The following PAFAH1B1 variants were observed in gnomAD, a reference collection of about 807,000 sequenced individuals.
The protein encoded by PAFAH1B1 is platelet activating factor acetylhydrolase 1b regulatory subunit 1.
In PAFAH1B1, 2 loss-of-function variants were observed where a neutral mutation model predicts 57.5. The observed-to-expected ratio is 0.03, with a 90% CI of 0.01 to 0.11. The LOEUF (loss-of-function observed/expected upper bound fraction) is 0.11. Ranked by LOEUF, PAFAH1B1 falls within the 10% of genes least tolerant of loss-of-function variation. The pLI is 1.00. For synonymous variants in PAFAH1B1, 152 were observed against 169.6 expected, an observed-to-expected ratio of 0.90 and a Z score of 0.81; for missense variants, 257 against 512.0, an observed-to-expected ratio of 0.50 and a Z score of 4.81.
intron 1 of PAFAH1B1, among the ~76,000 whole-genome samples, chr17:2,595,362 C>T (rs940866906): frequency 6.7e-6 from 1 of 150,364 alleles, no homozygotes; most frequent in African/African-American, 2.4e-5. Context: ...GGAGACAGTG[C>T]TTGGGCCTTT....
At chr17:2,671,849 C>T (rs900093251) in intron 6 of PAFAH1B1, among the ~76,000 whole-genome samples, 3 of 151,488 alleles carry the variant, frequency 2.0e-5, no homozygotes, top group Non-Finnish European at 2.9e-5. Context: ...GTGATCCGCC[C>T]GCCTCGGCCT....
At chr17:2,594,485 G>A (rs1409363254) in intron 1 of PAFAH1B1, among the ~76,000 whole-genome samples, 1 of 152,168 alleles carries the variant, frequency 6.6e-6, no homozygotes, top group African/African-American at 2.4e-5. Context: ...CTCAGTTATC[G>A]GCTCGGGGAC....
chr17:2,634,148 T>A (rs1006019571), intron 1 of PAFAH1B1, among the ~76,000 whole-genome samples: 1 of 152,066 alleles, frequency 6.6e-6, no homozygotes, highest in Non-Finnish European at 1.5e-5. Flanking sequence ...TTTTGTTTGT[T>A]TTTTTGAGAC....
chr17:2,675,560 G>C (rs905872589), intron 8 of PAFAH1B1, among the ~76,000 whole-genome samples: 12 of 152,016 alleles, frequency 7.9e-5, no homozygotes, highest in Admixed American at 3.9e-4. Context: ...CCAGCACTTT[G>C]GGAAGTCAAG....
intron 1 of PAFAH1B1, among the ~76,000 whole-genome samples, chr17:2,600,016 A>G (rs1288572732): frequency 8.4e-6 from 1 of 119,574 alleles, no homozygotes; most frequent in Non-Finnish European, 1.6e-5. Context: ...GTCTCACTCC[A>G]TCACCCAGGC....
chr17:2,671,370 G>T (rs1321779080), intron 6 of PAFAH1B1, among the ~76,000 whole-genome samples: 1 of 151,716 alleles, frequency 6.6e-6, no homozygotes, highest in African/African-American at 2.4e-5. Context: ...CACCACGCCC[G>T]TCTAATTTTT....
At chr17:2,611,723 T>C (rs1408503339) in intron 1 of PAFAH1B1, among the ~76,000 whole-genome samples, 7 of 152,188 alleles carry the variant, frequency 4.6e-5, no homozygotes, top group Non-Finnish European at 1.0e-4. Context: ...ACAGTAAGTT[T>C]TGATCTTAGT....
intron 1 of PAFAH1B1, among the ~76,000 whole-genome samples, chr17:2,633,317 G>C (rs558695171): frequency 3.3e-5 from 5 of 151,656 alleles, no homozygotes; most frequent in African/African-American, 1.2e-4. Flanking sequence ...ACAGGTGCCT[G>C]CTGCCACAAC....
At chr17:2,626,118 G>C (rs2068485673) in intron 1 of PAFAH1B1, among the ~76,000 whole-genome samples, 1 of 152,046 alleles carries the variant, frequency 6.6e-6, no homozygotes, top group East Asian at 1.9e-4. Context: ...GCTAGGCATA[G>C]TGGTATGCAC....
chr17:2,604,556 A>G (rs1310970108), intron 1 of PAFAH1B1, among the ~76,000 whole-genome samples: 2 of 152,184 alleles, frequency 1.3e-5, no homozygotes, highest in Admixed American at 1.3e-4. Flanking sequence ...TACACCTGCA[A>G]TCCCAGCACT....
intron 1 of PAFAH1B1, among the ~76,000 whole-genome samples, chr17:2,600,761 G>A (rs989237466): frequency 6.6e-6 from 1 of 151,742 alleles, no homozygotes; most frequent in Non-Finnish European, 1.5e-5. Context: ...ACGGACTCTC[G>A]CTGTGTTGCC....
At chr17:2,642,734 G>C (rs1034352463) in intron 2 of PAFAH1B1, among the ~76,000 whole-genome samples, 4 of 152,282 alleles carry the variant, frequency 2.6e-5, no homozygotes, top group African/African-American at 9.6e-5. Context: ...CCCACGACAT[G>C]ATCATCAAAT....
At chr17:2,679,941 A>G (rs1022895665) in intron 9 of PAFAH1B1, 2 of 554,974 alleles carry the variant, frequency 3.6e-6, no homozygotes, top group African/African-American at 3.8e-5. Context: ...GCCCTGCGGG[A>G]CTTCTTTTTA....
chr17:2,672,747 G>A lies in PAFAH1B1; in HGVS notation c.661G>A (p.Val221Met), dbSNP rs1262666760. Residue 221 changes from valine to methionine, a missense_variant, in exon 7 of 11, where the codon GTG becomes ATG. By Grantham distance (21) the Val-to-Met change is conservative. Coordinates refer to ENST00000397195, the MANE Select transcript of PAFAH1B1 (RefSeq NM_000430.4). ...GGATAAAACTATAAAAATGTGGGAA[G>A]TGCAAACTGGGTAAGTAAGTTTAGT... ...SRDKTIKMWE[V>M]QTGYCVKTFT... 5 of 1,603,498 alleles carry A rather than the reference G, an allele frequency of 3.1e-6. No individual in the cohort carries two copies. The highest frequency in any genetic ancestry group is 4.3e-6 in the Non-Finnish European group (5 of 1,171,106).
intron 1 of PAFAH1B1, among the ~76,000 whole-genome samples, chr17:2,598,349 T>C (rs752097621): frequency 2.0e-5 from 3 of 152,150 alleles, no homozygotes; most frequent in Non-Finnish European, 4.4e-5. Context: ...CCCATTGAGT[T>C]CTAAAGCAGT....
intron 1 of PAFAH1B1, among the ~76,000 whole-genome samples, chr17:2,594,302 C>T (rs1597502924): frequency 6.6e-6 from 1 of 152,234 alleles, no homozygotes; most frequent in East Asian, 1.9e-4. Flanking sequence ...TCTGCGACCC[C>T]CGCCCCGCGG....
At chr17:2,596,114 A>C (rs1052175789) in intron 1 of PAFAH1B1, among the ~76,000 whole-genome samples, 1 of 152,198 alleles carries the variant, frequency 6.6e-6, no homozygotes, top group African/African-American at 2.4e-5. Context: ...GAATGATTGG[A>C]ATAAAAAGCA....
chr17:2,593,292 C>G (rs1353139761), upstream of PAFAH1B1: 1 of 152,078 alleles, frequency 6.6e-6, no homozygotes, highest in Non-Finnish European at 1.5e-5. Context: ...CAACGGGACG[C>G]CGCGGTCGGC....
Position 2,593,983 on chromosome 17 carries a change from C to T in PAFAH1B1, c.-214C>T. 1 of 395,580 alleles carries T rather than the reference C, an allele frequency of 2.5e-6. No individual in the cohort carries two copies. Among genetic ancestry groups the T allele is most frequent in the Non-Finnish European group, 4.5e-6 (1 of 224,700 alleles). The allele number at this position is 395,580 out of a possible 1,614,324, so 24.5% of individuals were successfully genotyped here. A position where few individuals can be genotyped will look rare whatever the true frequency, so the allele number is the denominator to read the frequency against. On this transcript the variant is annotated 5_prime_UTR_variant, in exon 1 of 11. Transcript: ENST00000397195. ...GGAGTGAAGGACGGAAGAGGCCCTG[C>T]GGAGGCGGCGGTGCAGCGCTCCGGT...
Sources: gnomAD v4.1 joint callset for allele counts (sites outside exome capture counted in the v4.1 genomes callset) on GRCh38, gnomAD v4.1.1 for gene constraint, MANE v1.5 for transcripts, NCBI Gene and HGNC (gene_info 2026-07-23, HGNC 2026-07-21) for gene names.